AFAP1L2: variants seen among roughly 807,000 people sequenced by gnomAD.
AFAP1L2 encodes the protein actin filament-associated protein 1-like 2.
Under a neutral mutation model 99.3 loss-of-function variants are expected in AFAP1L2, and 46 were observed. The observed-to-expected ratio is 0.46, with a 90% CI of 0.37 to 0.59. The LOEUF (loss-of-function observed/expected upper bound fraction) is 0.59. Among genes scored for constraint, AFAP1L2 ranks in the 20% least tolerant of loss-of-function variants. The probability of loss-of-function intolerance (pLI) is 0.00; values close to 1 mark genes in which losing one functional copy is unlikely to be tolerated. For synonymous variants in AFAP1L2, 397 were observed against 419.1 expected, an observed-to-expected ratio of 0.95 and a Z score of 0.64; for missense variants, 959 against 1,034.9, an observed-to-expected ratio of 0.93 and a Z score of 1.01.
chr10:114,283,696 A>G, the AFAP1L2 span, among the ~76,000 whole-genome samples: 5 of 152,214 alleles, frequency 3.3e-5, no homozygotes, highest in Non-Finnish European at 7.3e-5. Context: ...GGTTGTGACA[A>G]TGAAATGGGA....
chr10:114,349,823 T>G (rs1454133168), intron 1 of AFAP1L2, among the ~76,000 whole-genome samples: 1 of 140,774 alleles, frequency 7.1e-6, no homozygotes, highest in Non-Finnish European at 1.6e-5. Flanking sequence ...GGCGGGGGGG[T>G]TTGCTTCACT....
chr10:114,327,773 A>G (rs2046603109), intron 4 of AFAP1L2, among the ~76,000 whole-genome samples: 1 of 152,220 alleles, frequency 6.6e-6, no homozygotes, highest in Admixed American at 6.5e-5. Flanking sequence ...CCAGTGAGCT[A>G]CAGTTTGCCA....
chr10:114,364,855 G>A lies in AFAP1L2; in HGVS notation c.17-24124C>T, dbSNP rs77699906. Reference sequence around the variant, plus strand: ...TGGCTACAGAGGGCCAGGAATGGGAGGGGGAGCCTTCTGAGTCCTCATGCT... The same window carrying A: ...TGGCTACAGAGGGCCAGGAATGGGAAGGGGAGCCTTCTGAGTCCTCATGCT... On this transcript the variant is annotated intron_variant, in intron 1 of 18. Transcript: ENST00000304129. Among the ~76,000 whole-genome samples the A allele has an allele frequency of 4.7e-3, 709 of 152,268 alleles. 9 individuals carry two copies. Among genetic ancestry groups the A allele is most frequent in the African/African-American group, 0.016 (675 of 41,558 alleles).
intron 5 of AFAP1L2, among the ~76,000 whole-genome samples, chr10:114,320,667 A>G (rs544665486): frequency 6.6e-6 from 1 of 152,288 alleles, no homozygotes; most frequent in Admixed American, 6.5e-5. Context: ...CCCGGCTACG[A>G]CCAATATGAA....
rs2045693274 is a variant in AFAP1L2, at chr10:114,323,338, G to C, written c.316-77C>G. The C allele has an allele frequency of 2.3e-6, 3 of 1,307,394 alleles. No homozygotes were observed. The Admixed American group carries it at 6.2e-5, about 27-fold the overall frequency. 81.0% of individuals were successfully genotyped at this position (1,307,394 alleles called of 1,614,324 possible). A position where few individuals can be genotyped will look rare whatever the true frequency, so the allele number is the denominator to read the frequency against. On this transcript the variant is annotated intron_variant, in intron 4 of 18. Transcript: ENST00000304129. ...CAACTTGGAAATAACTCTTCGGGTGGAAGTCTAGAAGACAAAAATGCCCAG... is the reference window on the plus strand; with the variant it reads ...CAACTTGGAAATAACTCTTCGGGTGCAAGTCTAGAAGACAAAAATGCCCAG...
intron 1 of AFAP1L2, among the ~76,000 whole-genome samples, chr10:114,378,472 C>T: frequency 6.6e-6 from 1 of 152,202 alleles, no homozygotes; most frequent in Admixed American, 6.5e-5. Flanking sequence ...CCATTGTCCT[C>T]ATTATATCCT....
chr10:114,290,840 G>A (rs746779531), downstream of AFAP1L2, among the ~76,000 whole-genome samples: 1 of 152,170 alleles, frequency 6.6e-6, no homozygotes, highest in Non-Finnish European at 1.5e-5. Context: ...AAGTGAGGAC[G>A]AGGAGGAGGT....
intron 1 of AFAP1L2, among the ~76,000 whole-genome samples, chr10:114,386,438 CATTA>C (rs2056509878): frequency 6.6e-6 from 1 of 152,136 alleles, no homozygotes; most frequent in Non-Finnish European, 1.5e-5. Flanking sequence ...AAGGTACTAG[CATTA>C]ATTATTATTT....
At chr10:114,400,229 C>A (rs2058100985) in intron 1 of AFAP1L2, among the ~76,000 whole-genome samples, 1 of 152,198 alleles carries the variant, frequency 6.6e-6, no homozygotes, top group East Asian at 1.9e-4. Flanking sequence ...AGCTCCTTGG[C>A]CTTTCCTGGC....
At chr10:114,378,810 A>G (rs2055165923) in intron 1 of AFAP1L2, among the ~76,000 whole-genome samples, 1 of 152,254 alleles carries the variant, frequency 6.6e-6, no homozygotes, top group African/African-American at 2.4e-5. Context: ...TGCACCAGAT[A>G]GAGAAGTGAC....
intron 7 of AFAP1L2, among the ~76,000 whole-genome samples, chr10:114,312,872 C>T (rs939115956): frequency 6.6e-6 from 1 of 152,180 alleles, no homozygotes; most frequent in South Asian, 2.1e-4. Flanking sequence ...TTAGGACAGG[C>T]CTGGCATTTC....
At chr10:114,342,012 G>A (rs145182465) in intron 1 of AFAP1L2, among the ~76,000 whole-genome samples, 91 of 152,332 alleles carry the variant, frequency 6.0e-4, no homozygotes, top group Middle Eastern at 3.4e-3. Flanking sequence ...AGACGGCTAC[G>A]TGGGTGACCT....
chr10:114,311,113 G>T (rs2043176575), intron 7 of AFAP1L2, among the ~76,000 whole-genome samples: 1 of 152,156 alleles, frequency 6.6e-6, no homozygotes, highest in African/African-American at 2.4e-5. Context: ...GGGGCAGGGG[G>T]TCTCAGGAAG....
chr10:114,332,287 G>C (rs1295019796), intron 3 of AFAP1L2, among the ~76,000 whole-genome samples: 3 of 152,250 alleles, frequency 2.0e-5, no homozygotes, highest in South Asian at 2.1e-4. Context: ...ACCCCCGCCA[G>C]AGTGGCCAAC....
At chr10:114,287,837 C>A in the AFAP1L2 span, among the ~76,000 whole-genome samples, 2 of 152,304 alleles carry the variant, frequency 1.3e-5, no homozygotes, top group East Asian at 3.9e-4. Context: ...AGTATTGATA[C>A]ATCATTATTT....
chr10:114,320,471 G>A, intron 5 of AFAP1L2, among the ~76,000 whole-genome samples: 1 of 152,238 alleles, frequency 6.6e-6, no homozygotes, highest in East Asian at 1.9e-4. Flanking sequence ...CAGCTTGTAA[G>A]GCAGGTGAAG....
At chr10:114,361,498 C>T (rs868675697) in intron 1 of AFAP1L2, among the ~76,000 whole-genome samples, 8 of 152,144 alleles carry the variant, frequency 5.3e-5, no homozygotes, top group East Asian at 1.9e-4. Context: ...CCCTGTAAAA[C>T]GTTAAACCGA....
intron 8 of AFAP1L2, among the ~76,000 whole-genome samples, chr10:114,309,825 C>T (rs912464092): frequency 3.3e-5 from 5 of 152,166 alleles, no homozygotes; most frequent in South Asian, 2.1e-4. Flanking sequence ...CGCCCACCCC[C>T]GGCACCTACA....
intron 10 of AFAP1L2, among the ~76,000 whole-genome samples, chr10:114,307,393 G>A (rs904696923): frequency 1.3e-5 from 2 of 151,952 alleles, no homozygotes; most frequent in Admixed American, 6.5e-5. Context: ...TACGAAGATG[G>A]CACAGTGCGT....
Sources: allele counts gnomAD v4.1 joint callset (sites outside exome capture counted in the v4.1 genomes callset), GRCh38; gene constraint gnomAD v4.1.1; transcripts MANE v1.5; gene names NCBI Gene and HGNC (gene_info 2026-07-23, HGNC 2026-07-21).